The following ST6GAL1 variants were observed in gnomAD, a reference collection of about 807,000 sequenced individuals.
ST6GAL1 encodes ST6 beta-galactoside alpha-2,6-sialyltransferase 1.
Under a neutral mutation model 38.0 loss-of-function variants are expected in ST6GAL1, and 20 were observed. That is an observed-to-expected ratio of 0.53 (90% confidence interval 0.37 to 0.77). The LOEUF is 0.77. ST6GAL1 is among the 30% of genes least tolerant of loss of function. The pLI, the probability that ST6GAL1 is intolerant of heterozygous loss-of-function variation, is 0.00. For synonymous variants in ST6GAL1, 196 were observed against 188.2 expected (o/e 1.04, Z -0.34); for missense variants, 432 against 496.4 (o/e 0.87, Z 1.23).
chr3:187,063,291 G>C (rs959765753), intron 5 of ST6GAL1, among the ~76,000 whole-genome samples: 5 of 152,212 alleles, frequency 3.3e-5, no homozygotes, highest in African/African-American at 1.2e-4. Context: ...GAGTGGTGTA[G>C]CTGGAGGCAG....
chr3:186,967,195 TGTTC>T (rs2108529047), intron 2 of ST6GAL1, among the ~76,000 whole-genome samples: 1 of 152,266 alleles, frequency 6.6e-6, no homozygotes, highest in Admixed American at 6.5e-5. Context: ...TTTTTTTGTT[TGTTC>T]GTTTGTTTTT....
At chr3:187,061,622 G>A (rs549725269) in intron 5 of ST6GAL1, among the ~76,000 whole-genome samples, 2 of 152,252 alleles carry the variant, frequency 1.3e-5, no homozygotes, top group East Asian at 3.9e-4. Flanking sequence ...ATGAGGAAAA[G>A]ACAGTCTTTT....
At chr3:187,058,103 G>C (rs548709624) in intron 5 of ST6GAL1, among the ~76,000 whole-genome samples, 11 of 152,248 alleles carry the variant, frequency 7.2e-5, no homozygotes, top group Admixed American at 1.3e-4. Flanking sequence ...CGCTGAGCCA[G>C]GCACAGGATA....
At chr3:187,045,613 C>A (rs4686843) in intron 4 of ST6GAL1, among the ~76,000 whole-genome samples, 2 of 152,014 alleles carry the variant, frequency 1.3e-5, no homozygotes, top group Non-Finnish European at 2.9e-5. Context: ...GAGCTAAATG[C>A]GGAGGCTCAA....
chr3:187,065,826 A>C lies in ST6GAL1; in HGVS notation c.706-7023A>C, dbSNP rs143836796. Among the ~76,000 whole-genome samples the C allele has an allele frequency of 2.6e-5, 4 of 152,314 alleles. No homozygotes were observed. The East Asian group carries it at 5.8e-4, about 22-fold the overall frequency. On this transcript the variant is annotated intron_variant, in intron 5 of 7. Coordinates refer to ENST00000169298, the MANE Select transcript of ST6GAL1 (RefSeq NM_173216.2). ...GTTAAATATATTATATATACCATCT[A>C]AGGGTCTTACATGCCTTCTCTCATT...
chr3:187,075,444 A>G lies in ST6GAL1; in HGVS notation c.980-118A>G. Reference sequence around the variant, plus strand: ...GATTGGGAATCACAGTCATAAATAGAAACTCCAGAGGGAAAGCTCTCCAAA... The same window carrying G: ...GATTGGGAATCACAGTCATAAATAGGAACTCCAGAGGGAAAGCTCTCCAAA... On this transcript the variant is annotated intron_variant, in intron 7 of 7. Transcript: ENST00000169298. The surrounding 1 kb of genome is among the most constrained non-coding windows in gnomAD (Gnocchi z 4.1). 2 of 1,452,632 alleles carry G rather than the reference A, an allele frequency of 1.4e-6. No individual in the cohort carries two copies. The highest frequency in any genetic ancestry group is 2.7e-5 in the South Asian group (2 of 74,610). 90.0% of individuals were successfully genotyped at this position (1,452,632 alleles called of 1,614,324 possible). A position where few individuals can be genotyped will look rare whatever the true frequency, so the allele number is the denominator to read the frequency against.
At chr3:186,943,118 T>C (rs1425287212) in intron 1 of ST6GAL1, among the ~76,000 whole-genome samples, 1 of 152,230 alleles carries the variant, frequency 6.6e-6, no homozygotes, top group Admixed American at 6.5e-5. Context: ...ATAAATATTA[T>C]GATTTGGGTG....
chr3:186,970,912 T>C (rs1461280897), intron 2 of ST6GAL1, among the ~76,000 whole-genome samples: 1 of 152,250 alleles, frequency 6.6e-6, no homozygotes, highest in Non-Finnish European at 1.5e-5. Context: ...TTCTCTGATA[T>C]AAATGCCGAG....
intron 2 of ST6GAL1, among the ~76,000 whole-genome samples, chr3:186,999,472 C>T (rs2108551681): frequency 6.7e-6 from 1 of 148,338 alleles, no homozygotes; most frequent in African/African-American, 2.5e-5. Flanking sequence ...AGTGCAGTGG[C>T]ACGATCTCGG....
chr3:187,028,956 C>G (rs1717640428), intron 2 of ST6GAL1, among the ~76,000 whole-genome samples: 1 of 151,982 alleles, frequency 6.6e-6, no homozygotes, highest in Admixed American at 6.6e-5. Context: ...CGTGGTGGTG[C>G]ACGCCTGTGA....
intron 5 of ST6GAL1, among the ~76,000 whole-genome samples, chr3:187,063,667 CG>C (rs1718998034): frequency 2.0e-5 from 3 of 152,156 alleles, no homozygotes; most frequent in Non-Finnish European, 4.4e-5. Flanking sequence ...AGCACTTCTT[CG>C]TGATGATTCA....
intron 6 of ST6GAL1, chr3:187,073,854 C>T (rs1218932217): frequency 7.9e-6 from 2 of 253,138 alleles, no homozygotes; most frequent in African/African-American, 4.5e-5. Flanking sequence ...CCAGATGGTA[C>T]GTGGGGCTCT....
rs183380930 is a variant in ST6GAL1 at position 186,941,944 on chromosome 3, C to A, written c.-325+11110C>A. Among the ~76,000 whole-genome samples, 15 of 151,458 alleles carry A rather than the reference C, an allele frequency of 9.9e-5. 1 individual carries two copies. In the South Asian group the frequency reaches 3.1e-3, roughly 32 times the overall value. ...GGACAATGGCGTGAACCCAGGAGGC[C>A]GAGCTTGCAGTGAGCCGAGATCATG... is the stretch of plus-strand genomic sequence containing the variant. On this transcript the variant is annotated intron_variant, in intron 1 of 7. Transcript: ENST00000169298.
At chr3:187,035,491 T>C (rs1472874384) in intron 2 of ST6GAL1, among the ~76,000 whole-genome samples, 1 of 152,172 alleles carries the variant, frequency 6.6e-6, no homozygotes, top group African/African-American at 2.4e-5. Context: ...TTCCAGTACC[T>C]GACTTAGAAC....
intron 2 of ST6GAL1, among the ~76,000 whole-genome samples, chr3:187,021,659 T>TG (rs1480799409): frequency 6.7e-6 from 1 of 148,902 alleles, no homozygotes; most frequent in Non-Finnish European, 1.5e-5. Flanking sequence ...AAGAATTGCT[T>TG]GAACCCGGGA....
chr3:187,044,839 G>A (rs989846066), intron 4 of ST6GAL1, among the ~76,000 whole-genome samples: 1 of 152,194 alleles, frequency 6.6e-6, no homozygotes, highest in African/African-American at 2.4e-5. Flanking sequence ...TCTATAGATT[G>A]CAGTTTCAAC....
At chr3:186,936,622 A>G (rs34058098) in intron 1 of ST6GAL1, among the ~76,000 whole-genome samples, 16,671 of 152,218 alleles carry the variant, frequency 0.11, 1,390 homozygotes, top group African/African-American at 0.24. Flanking sequence ...GTAGTGATTT[A>G]AATTTTATTT....
intron 2 of ST6GAL1, among the ~76,000 whole-genome samples, chr3:187,029,312 G>C (rs1228346533): frequency 6.6e-6 from 1 of 152,070 alleles, no homozygotes; most frequent in African/African-American, 2.4e-5. Flanking sequence ...ATTAAACAAA[G>C]GGGTGAGGTT....
At chr3:186,965,367 C>T (rs1206129540) in intron 2 of ST6GAL1, among the ~76,000 whole-genome samples, 1 of 152,202 alleles carries the variant, frequency 6.6e-6, no homozygotes, top group African/African-American at 2.4e-5. Flanking sequence ...TTCTTCAAAG[C>T]CCTGCTGTTG....
Sources: allele counts gnomAD v4.1 joint callset (sites outside exome capture counted in the v4.1 genomes callset), GRCh38; gene constraint gnomAD v4.1.1; non-coding constraint Gnocchi (gnomAD v3.1); transcripts MANE v1.5; gene names NCBI Gene and HGNC (gene_info 2026-07-23, HGNC 2026-07-21).